The following ST8SIA1 variants were observed in gnomAD, a reference collection of about 807,000 sequenced individuals.
The protein encoded by ST8SIA1 is alpha-N-acetylneuraminide alpha-2,8-sialyltransferase.
In ST8SIA1, 16 loss-of-function variants were observed where a neutral mutation model predicts 35.9. That is an observed-to-expected ratio of 0.45 (90% CI 0.30 to 0.68). The LOEUF is 0.68. Ranked by LOEUF, ST8SIA1 falls within the 30% of genes least tolerant of loss-of-function variation. ST8SIA1 has a pLI of 0.09. For synonymous variants in ST8SIA1, 170 were observed against 169.6 expected, an observed-to-expected ratio of 1.00 and a Z score of -0.02; for missense variants, 383 against 453.6, an observed-to-expected ratio of 0.84 and a Z score of 1.41.
In ST8SIA1 at chr12:22,197,012, TC is replaced by T. The variant is rs1360557458; in HGVS notation, c.*4539del. ...CTGAGAGTGTGGGGATAGGGTCATC[TC>T]CTTTCAACTTGCCTCACCCTCCTCC... is the stretch of plus-strand genomic sequence containing the variant. On this transcript the variant is annotated 3_prime_UTR_variant, in exon 5 of 5. Transcript: ENST00000396037. 2.6e-5 allele frequency: 4 copies of T among 152,160 alleles called. No individual in the cohort carries two copies. Among genetic ancestry groups the T allele is most frequent in the Admixed American group, 1.3e-4 (2 of 15,274 alleles). The allele number at this position is 152,160 out of a possible 1,614,324, so 9.4% of individuals were successfully genotyped here. A position where few individuals can be genotyped will look rare whatever the true frequency, so the allele number is the denominator to read the frequency against.
At chr12:22,227,691 C>T (rs1262099160) in intron 4 of ST8SIA1, among the ~76,000 whole-genome samples, 1 of 152,122 alleles carries the variant, frequency 6.6e-6, no homozygotes, top group East Asian at 1.9e-4. Flanking sequence ...GAAACTTATT[C>T]CAGAACCATA....
At chr12:22,253,838 G>T (rs1354459952) in intron 3 of ST8SIA1, among the ~76,000 whole-genome samples, 3 of 151,990 alleles carry the variant, frequency 2.0e-5, no homozygotes, top group African/African-American at 7.2e-5. Context: ...GCTTCACCAA[G>T]TGAGAAAAAA....
chr12:22,258,232 G>T (rs1865749092), intron 2 of ST8SIA1, among the ~76,000 whole-genome samples: 1 of 152,136 alleles, frequency 6.6e-6, no homozygotes, highest in Non-Finnish European at 1.5e-5. Flanking sequence ...GAAGACTACA[G>T]GAGGAGCAGG....
At chr12:22,302,626 A>C (rs978631720) in intron 1 of ST8SIA1, among the ~76,000 whole-genome samples, 1 of 152,218 alleles carries the variant, frequency 6.6e-6, no homozygotes, top group East Asian at 1.9e-4. Context: ...TTCTTGTAAA[A>C]TGTTTTCTCC....
intron 4 of ST8SIA1, among the ~76,000 whole-genome samples, chr12:22,225,325 GAACT>G (rs1865343839): frequency 6.6e-6 from 1 of 152,084 alleles, no homozygotes; most frequent in African/African-American, 2.4e-5. Flanking sequence ...CTCAAAGAGT[GAACT>G]AATAGGTCCA....
intron 2 of ST8SIA1, among the ~76,000 whole-genome samples, chr12:22,281,381 T>C (rs185795746): frequency 9.9e-5 from 15 of 152,282 alleles, no homozygotes; most frequent in Admixed American, 5.9e-4. Context: ...AGGATCCAGA[T>C]TTTTAGACTG....
intron 4 of ST8SIA1, among the ~76,000 whole-genome samples, chr12:22,207,605 G>A (rs1030950212): frequency 2.0e-5 from 3 of 152,004 alleles, no homozygotes; most frequent in South Asian, 4.1e-4. Flanking sequence ...ATTTTTCCAC[G>A]TATGTGTATT....
At chr12:22,202,682 G>T (rs1394637623) in intron 4 of ST8SIA1, among the ~76,000 whole-genome samples, 2 of 152,076 alleles carry the variant, frequency 1.3e-5, no homozygotes, top group African/African-American at 4.8e-5. Flanking sequence ...ATACAAATAA[G>T]TACAATAGAA....
chr12:22,260,329 T>C (rs1184002930), intron 2 of ST8SIA1, among the ~76,000 whole-genome samples: 3 of 152,036 alleles, frequency 2.0e-5, no homozygotes, highest in Non-Finnish European at 4.4e-5. Context: ...ACACAGCTAT[T>C]TTTTGTATTT....
chr12:22,228,047 C>G (rs1299203661), intron 4 of ST8SIA1, among the ~76,000 whole-genome samples: 1 of 152,212 alleles, frequency 6.6e-6, no homozygotes, highest in East Asian at 1.9e-4. Context: ...CTTTACACAG[C>G]TCAGCCTGCA....
rs866990500 is a variant in ST8SIA1 at position 22,233,016 on chromosome 12, A to G, written c.584+15990T>C. The stretch of plus-strand genomic sequence containing the variant: ...GCAATTGGCAAAGCAGAATTAAGGC[A>G]ATAACTCAAGAAAAATATCCAAAAT... On this transcript the variant is annotated intron_variant, in intron 4 of 4. Transcript: ENST00000396037. Among the ~76,000 whole-genome samples, 11 of 152,202 alleles carry G rather than the reference A, an allele frequency of 7.2e-5. No homozygotes were observed. In the South Asian group the frequency reaches 2.3e-3, roughly 32 times the overall value.
intron 1 of ST8SIA1, among the ~76,000 whole-genome samples, chr12:22,310,926 C>G (rs1197267988): frequency 6.6e-6 from 1 of 152,074 alleles, no homozygotes; most frequent in East Asian, 1.9e-4. Flanking sequence ...CCCAGACACT[C>G]TGATAATGGA....
chr12:22,271,690 G>A (rs952182348), intron 2 of ST8SIA1, among the ~76,000 whole-genome samples: 1 of 152,166 alleles, frequency 6.6e-6, no homozygotes, highest in African/African-American at 2.4e-5. Flanking sequence ...AAATACGAGA[G>A]CGCCAATCAT....
intron 2 of ST8SIA1, among the ~76,000 whole-genome samples, chr12:22,267,123 C>G (rs778958251): frequency 6.6e-6 from 1 of 152,130 alleles, no homozygotes; most frequent in Non-Finnish European, 1.5e-5. Flanking sequence ...GTATGAGATG[C>G]TGGGTCAGAA....
At chr12:22,323,547 T>C (rs1033728848) in intron 1 of ST8SIA1, among the ~76,000 whole-genome samples, 4 of 152,148 alleles carry the variant, frequency 2.6e-5, no homozygotes, top group African/African-American at 4.8e-5. Context: ...TATAAAGATA[T>C]AGGCACACAT....
chr12:22,291,529 A>T (rs1866176259), intron 1 of ST8SIA1, among the ~76,000 whole-genome samples: 1 of 152,258 alleles, frequency 6.6e-6, no homozygotes, highest in South Asian at 2.1e-4. Context: ...CAGTGCTGGC[A>T]TCCCTGAACA....
At chr12:22,318,492 G>A (rs970023245) in intron 1 of ST8SIA1, among the ~76,000 whole-genome samples, 11 of 152,166 alleles carry the variant, frequency 7.2e-5, no homozygotes, top group Admixed American at 7.2e-4. Context: ...GAATCCTAAA[G>A]CTAAGCCACT....
intron 2 of ST8SIA1, among the ~76,000 whole-genome samples, chr12:22,262,336 T>C (rs370900520): frequency 3.9e-5 from 6 of 152,136 alleles, no homozygotes; most frequent in African/African-American, 1.4e-4. Context: ...TAACAAAGCA[T>C]CATTTACCAG....
chr12:22,303,982 C>T (rs752017980), intron 1 of ST8SIA1, among the ~76,000 whole-genome samples: 6 of 152,072 alleles, frequency 3.9e-5, no homozygotes, highest in Non-Finnish European at 7.4e-5. Context: ...CATAACAAGG[C>T]CACCTTTTTG....
Sources: gnomAD v4.1 joint callset for allele counts (sites outside exome capture counted in the v4.1 genomes callset) on GRCh38, gnomAD v4.1.1 for gene constraint, MANE v1.5 for transcripts, NCBI Gene and HGNC (gene_info 2026-07-23, HGNC 2026-07-21) for gene names.